Variants in ODF2 observed in about 807,000 individuals in gnomAD.
ODF2 encodes outer dense fiber of sperm tails 2, also known as outer dense fiber protein 2.
A neutral mutation model predicts 110.2 loss-of-function variants in ODF2; 47 were observed. The observed-to-expected ratio is 0.43, with a 90% CI of 0.34 to 0.54. The LOEUF is 0.54. ODF2 is among the 20% of genes least tolerant of loss of function. The pLI is 0.03. For synonymous variants in ODF2, 352 were observed against 397.7 expected (o/e 0.89, Z 1.37); for missense variants, 812 against 1,054.5 (o/e 0.77, Z 3.19).
chr9:128,456,166 T>A, exon 1 of ODF2: 1 of 1,549,236 alleles, frequency 6.5e-7, no homozygotes. Flanking sequence ...CCAGACTGCA[T>A]CCGCCGCGGC....
intron 4 of ODF2, among the ~76,000 whole-genome samples, chr9:128,461,684 G>A (rs948690862): frequency 6.6e-6 from 1 of 152,152 alleles, no homozygotes; most frequent in Non-Finnish European, 1.5e-5. Flanking sequence ...CTCCCAAGGT[G>A]TTGGGATTAC....
intron 4 of ODF2, among the ~76,000 whole-genome samples, chr9:128,462,444 C>T (rs574211983): frequency 2.5e-4 from 38 of 151,680 alleles, no homozygotes; most frequent in South Asian, 4.2e-4. Flanking sequence ...CCACCACACC[C>T]GGCCCGAATC....
exon 5 of ODF2, chr9:128,469,305 T>C: frequency 6.2e-7 from 1 of 1,614,160 alleles, no homozygotes; most frequent in Non-Finnish European, 8.5e-7. Context: ...ACCGTTATGA[T>C]AAGAAGATTG....
chr9:128,499,226 T>C (rs751529993), intron 20 of ODF2, 100 bp downstream of exon 20: 5 of 1,402,556 alleles, frequency 3.6e-6, no homozygotes, highest in Non-Finnish European at 3.9e-6. Context: ...TTTTTGTGAA[T>C]ATGACATGGT....
In ODF2 at chr9:128,476,303, T is replaced by C. The variant is rs1044777960; in HGVS notation, c.843+2562T>C. Among the ~76,000 whole-genome samples the C allele has an allele frequency of 4.6e-5, 7 of 152,304 alleles. No homozygotes were observed. The South Asian group carries it at 1.2e-3, about 27-fold the overall frequency. ...GACGTTCTTCTTATTTTTGCTTTTT[T>C]ATTTGAGACCGAGTTTCACTCTTGC... On this transcript the variant is annotated intron_variant, in intron 8 of 20. Coordinates refer to ENST00000604420, the Ensembl canonical transcript of ODF2.
At chr9:128,459,978 G>C (rs1473649671) in intron 3 of ODF2, among the ~76,000 whole-genome samples, 1 of 152,164 alleles carries the variant, frequency 6.6e-6, no homozygotes, top group African/African-American at 2.4e-5. Context: ...GCTGGTGGTG[G>C]TTGAGGGGTT....
rs1360349862 is a variant in ODF2, at chr9:128,470,914, TG to T, written c.421-393del. ...GGAAGGCTCCTTATTTTTTTGTTTT[TG>T]TTTTTTTTTTTTTGAGATGGAGTCT... On this transcript the variant is annotated intron_variant, in intron 5 of 20. Transcript: ENST00000604420. 3.6e-4 allele frequency among the ~76,000 whole-genome samples: 14 copies of T among 38,398 alleles called. 1 individual carries two copies. Among genetic ancestry groups the T allele is most frequent in the East Asian group, 6.5e-4 (1 of 1,542 alleles). The allele number at this position is 38,398 out of a possible 152,430, so 25.2% of individuals were successfully genotyped here.
At chr9:128,474,946 A>G (rs1282956998) in intron 8 of ODF2, among the ~76,000 whole-genome samples, 1 of 152,110 alleles carries the variant, frequency 6.6e-6, no homozygotes, top group Non-Finnish European at 1.5e-5. Flanking sequence ...CCTGGGGAAC[A>G]AGAGCAAGAC....
intron 11 of ODF2, 132 bp from the exon 12 acceptor site, chr9:128,484,569 A>C: frequency 1.1e-6 from 1 of 943,076 alleles, no homozygotes; most frequent in Non-Finnish European, 1.6e-6. Flanking sequence ...ACAGCTAAGC[A>C]CTTTTTTCTG....
At chr9:128,490,043 G>A (rs1030509941) in intron 14 of ODF2, among the ~76,000 whole-genome samples, 2 of 152,064 alleles carry the variant, frequency 1.3e-5, no homozygotes, top group African/African-American at 4.8e-5. Context: ...TAACATGCAC[G>A]TCTTAACAGT....
intron 8 of ODF2, among the ~76,000 whole-genome samples, chr9:128,477,999 A>G (rs1841672132): frequency 6.6e-6 from 1 of 151,444 alleles, no homozygotes; most frequent in Non-Finnish European, 1.5e-5. Context: ...GGGAAGCTTT[A>G]TTAATTTTTT....
At chr9:128,456,144 C>G (rs1272486553), upstream of ODF2, 1 of 1,548,418 alleles carries the variant, frequency 6.5e-7, no homozygotes, top group African/African-American at 1.4e-5. Context: ...CGGGGAGGAG[C>G]CGCTGCCAGA....
intron 18 of ODF2, among the ~76,000 whole-genome samples, chr9:128,497,310 G>A (rs1287755673): frequency 1.3e-5 from 2 of 149,210 alleles, no homozygotes; most frequent in South Asian, 2.1e-4. Flanking sequence ...GCAAGAGGCC[G>A]GGCGTGGTGT....
chr9:128,457,255 G>T, exon 2 of ODF2: 4 of 1,595,562 alleles, frequency 2.5e-6, no homozygotes, highest in African/African-American at 2.7e-5. Flanking sequence ...TCATCCAACT[G>T]CCAACCCCAA....
intron 10 of ODF2, 67 bp from the exon 11 acceptor site, chr9:128,483,871 G>A (rs1842888778): frequency 1.8e-6 from 2 of 1,118,580 alleles, no homozygotes; most frequent in African/African-American, 1.5e-5. Flanking sequence ...GGGAAACGGA[G>A]CAAGACTCCG....
At chr9:128,460,086 A>G (rs1836013245) in intron 3 of ODF2, 1 of 1,221,868 alleles carries the variant, frequency 8.2e-7, no homozygotes, top group South Asian at 1.3e-5. Context: ...CTGTTCTTTG[A>G]TCTGCCTGCT....
intron 18 of ODF2, chr9:128,497,438 AAAAAAAAAATAT>A (rs1564532380): frequency 1.1e-5 from 1 of 94,576 alleles, no homozygotes; most frequent in African/African-American, 5.7e-5. Flanking sequence ...AAAAAAAAAA[AAAAAAAAAATAT>A]ATATATATAT....
At position 128,485,020 on chromosome 9, in the gene ODF2, C is replaced by T; in HGVS notation, c.1290+134C>T. ...TGGTAGTGGTGGAAAGGATAGATGGCTGGGGAGGAGGGAGAGGGAGTTAAG... is the reference window on the plus strand; with the variant it reads ...TGGTAGTGGTGGAAAGGATAGATGGTTGGGGAGGAGGGAGAGGGAGTTAAG... On this transcript the variant is annotated intron_variant, in intron 12 of 20. Transcript: ENST00000604420. This position sits in a 1 kb window ranked among gnomAD's most constrained non-coding sequence, Gnocchi z 5.0. The T allele has an allele frequency of 1.0e-6, 1 of 969,568 alleles. No individual in the cohort carries two copies. Among genetic ancestry groups the T allele is most frequent in the Non-Finnish European group, 1.6e-6 (1 of 636,434 alleles). The allele number at this position is 969,568 out of a possible 1,614,324, so 60.1% of individuals were successfully genotyped here.
At chr9:128,472,312 A>G (rs1840229793) in intron 6 of ODF2, among the ~76,000 whole-genome samples, 1 of 152,096 alleles carries the variant, frequency 6.6e-6, no homozygotes, top group African/African-American at 2.4e-5. Flanking sequence ...GACTAAAGTA[A>G]TCCTCCTGCC....
Sources: gnomAD v4.1 joint callset for allele counts (sites outside exome capture counted in the v4.1 genomes callset) on GRCh38, gnomAD v4.1.1 for gene constraint, Gnocchi (gnomAD v3.1) non-coding constraint, MANE v1.5 for transcripts, NCBI Gene and HGNC (gene_info 2026-07-23, HGNC 2026-07-21) for gene names.